The following IL16 variants were observed in gnomAD, a reference collection of about 807,000 sequenced individuals.
IL16 encodes interleukin 16, also known as pro-interleukin-16.
A neutral mutation model predicts 110.1 loss-of-function variants in IL16; 67 were observed. The ratio of observed to expected loss-of-function variants is 0.61; its 90% CI spans 0.50 to 0.75. The LOEUF (loss-of-function observed/expected upper bound fraction) is 0.75, where lower values mean the gene tolerates loss of function less well. Among genes scored for constraint, IL16 ranks in the 30% least tolerant of loss-of-function variants. IL16 has a pLI of 0.00. For missense variants in IL16, 1,545 were observed against 1,655.0 expected, an observed-to-expected ratio of 0.93 and a Z score of 1.15; for synonymous variants, 689 against 662.9, an observed-to-expected ratio of 1.04 and a Z score of -0.61.
rs57484982 is a variant in IL16 at position 81,247,076 on chromosome 15, C to CTTTTT, written c.313-12680_313-12676dup. Among the ~76,000 whole-genome samples the CTTTTT allele has an allele frequency of 6.2e-3, 577 of 92,534 alleles. 2 individuals are homozygous for CTTTTT. The highest frequency in any genetic ancestry group is 8.9e-3 in the African/African-American group (185 of 20,758). The allele number at this position is 92,534 out of a possible 152,430, so 60.7% of individuals were successfully genotyped here. A position where few individuals can be genotyped will look rare whatever the true frequency, so the allele number is the denominator to read the frequency against. On this transcript the variant is annotated intron_variant, in intron 2 of 18. Coordinates refer to ENST00000683961, the MANE Select transcript of IL16 (RefSeq NM_172217.5). Reference sequence around the variant, plus strand: ...TTTGTGTTTTCTTTCTTTTCTTTTCCTTTTTTTTTTTTTTTTTTTTGATCT... The same window carrying CTTTTT: ...TTTGTGTTTTCTTTCTTTTCTTTTCCTTTTTTTTTTTTTTTTTTTTTTTTTGATCT...
chr15:81,275,260 G>A (rs1164482646), intron 6 of IL16, among the ~76,000 whole-genome samples: 4 of 150,466 alleles, frequency 2.7e-5, no homozygotes, highest in Non-Finnish European at 4.4e-5. Flanking sequence ...AATGACATCC[G>A]TTCTCTCTCC....
chr15:81,232,422 G>T (rs1897039978), intron 2 of IL16, among the ~76,000 whole-genome samples: 1 of 152,034 alleles, frequency 6.6e-6, no homozygotes, highest in Non-Finnish European at 1.5e-5. Context: ...CTAATCTCAA[G>T]GGGAAAGTTT....
chr15:81,192,921 G>T (rs923191186), upstream of IL16, among the ~76,000 whole-genome samples: 2 of 152,116 alleles, frequency 1.3e-5, no homozygotes, highest in Non-Finnish European at 2.9e-5. Context: ...GAGATGGAGG[G>T]ATCAAGATGA....
At chr15:81,296,026 G>T (rs149133134) in intron 12 of IL16, among the ~76,000 whole-genome samples, 1 of 152,194 alleles carries the variant, frequency 6.6e-6, no homozygotes, top group Non-Finnish European at 1.5e-5. Context: ...TCATTTTGAT[G>T]ATGTCTGCTT....
intron 2 of IL16, among the ~76,000 whole-genome samples, chr15:81,256,448 C>T (rs147060924): frequency 0.011 from 1,615 of 151,904 alleles, 28 homozygotes; most frequent in African/African-American, 0.038. Flanking sequence ...ATTCTCCTGC[C>T]TCAGCCTCCC....
At chr15:81,207,029 C>T (rs1896045423) in intron 1 of IL16, among the ~76,000 whole-genome samples, 1 of 151,770 alleles carries the variant, frequency 6.6e-6, no homozygotes, top group African/African-American at 2.4e-5. Flanking sequence ...GTCAGGAGAT[C>T]AAGACCATCC....
chr15:81,282,777 C>T (rs762789497), intron 9 of IL16, 21 bp downstream of exon 9: 2 of 1,492,684 alleles, frequency 1.3e-6, no homozygotes, highest in Middle Eastern at 1.7e-4. Flanking sequence ...ACTTCTGTTT[C>T]TGAATATACC....
At chr15:81,250,502 T>C (rs1897731528) in intron 2 of IL16, among the ~76,000 whole-genome samples, 1 of 152,186 alleles carries the variant, frequency 6.6e-6, no homozygotes. Context: ...ATGTGTGTTT[T>C]ATCTTATGTT....
chr15:81,221,099 T>G (rs1276069373), intron 1 of IL16, among the ~76,000 whole-genome samples: 1 of 152,098 alleles, frequency 6.6e-6, no homozygotes, highest in Non-Finnish European at 1.5e-5. Flanking sequence ...AGATCTAGTA[T>G]TCTGTGGAAG....
rs1240696827 is a variant in IL16, at chr15:81,299,315, G to C, written c.2054-65G>C. ...TTCTTGCTGTTCAGCTTGGAAACTA[G>C]AATTTAGGAAGAAAAGTCACTGTAT... is the stretch of plus-strand genomic sequence containing the variant. On this transcript the variant is annotated intron_variant, in intron 13 of 18. Coordinates refer to ENST00000683961, the MANE Select transcript of IL16 (RefSeq NM_172217.5). 3 of 1,600,876 alleles carry C rather than the reference G, an allele frequency of 1.9e-6. No individual in the cohort carries two copies. The Admixed American group carries it at 5.0e-5, about 27-fold the overall frequency.
chr15:81,237,179 C>T (rs529038784), intron 2 of IL16, among the ~76,000 whole-genome samples: 1 of 152,296 alleles, frequency 6.6e-6, no homozygotes, highest in South Asian at 2.1e-4. Context: ...TAGTTATCCT[C>T]TAAGGCTCAG....
chr15:81,287,386 G>A (rs770687182), intron 10 of IL16, among the ~76,000 whole-genome samples: 1 of 152,222 alleles, frequency 6.6e-6, no homozygotes, highest in African/African-American at 2.4e-5. Flanking sequence ...ACTTAGGGCT[G>A]ATAGCAACTA....
upstream of IL16, among the ~76,000 whole-genome samples, chr15:81,195,683 C>A (rs189197542): frequency 6.6e-5 from 10 of 152,258 alleles, no homozygotes; most frequent in East Asian, 1.9e-3. Context: ...CATTAAAGCC[C>A]CCAGGAAGCC....
chr15:81,310,941 C>G lies in IL16; in HGVS notation c.*2143C>G, dbSNP rs1386249800. On this transcript the variant is annotated 3_prime_UTR_variant, in exon 19 of 19. Coordinates refer to ENST00000683961, the MANE Select transcript of IL16 (RefSeq NM_172217.5). ...CCTCCCAGTACCTCCTGTCTCTGGC[C>G]TGTTTTAGAAGGTTCTCTCCTCCCC... 1 of 152,298 alleles carries G rather than the reference C, an allele frequency of 6.6e-6. No individual in the cohort carries two copies. The highest frequency in any genetic ancestry group is 1.5e-5 in the Non-Finnish European group (1 of 68,118). 9.4% of individuals were successfully genotyped at this position (152,298 alleles called of 1,614,324 possible).
intron 3 of IL16, among the ~76,000 whole-genome samples, chr15:81,261,771 A>G (rs1323489562): frequency 2.0e-5 from 3 of 151,662 alleles, no homozygotes; most frequent in East Asian, 3.9e-4. Context: ...AAATAGATGG[A>G]AAAAAAAAGT....
intron 2 of IL16, among the ~76,000 whole-genome samples, chr15:81,242,218 T>C (rs1897361711): frequency 6.6e-6 from 1 of 152,188 alleles, no homozygotes; most frequent in Admixed American, 6.5e-5. Context: ...TTAGCTAATG[T>C]AATCCCTTTG....
intron 2 of IL16, among the ~76,000 whole-genome samples, chr15:81,230,545 G>A (rs1352432318): frequency 2.0e-5 from 3 of 152,180 alleles, no homozygotes; most frequent in Admixed American, 2.0e-4. Flanking sequence ...GGGGGCAGGT[G>A]TAAGCATAGT....
rs1567054167 is a variant in IL16, at chr15:81,313,183, G to C, written c.*4385G>C. 4.8e-6 allele frequency: 7 copies of C among 1,446,274 alleles called. No homozygotes were observed. The highest frequency in any genetic ancestry group is 2.7e-5 in the East Asian group (1 of 37,600). The allele number at this position is 1,446,274 out of a possible 1,614,324, so 89.6% of individuals were successfully genotyped here. A position where few individuals can be genotyped will look rare whatever the true frequency, so the allele number is the denominator to read the frequency against. On this transcript the variant is annotated 3_prime_UTR_variant, in exon 19 of 19. Coordinates refer to ENST00000683961, the MANE Select transcript of IL16 (RefSeq NM_172217.5). Reference sequence around the variant, plus strand: ...AACACAGGCCTCTGCGTGCTCCCAGGCTCCTTGGTGTCCCAACAGCTGGAG... The same window carrying C: ...AACACAGGCCTCTGCGTGCTCCCAGCCTCCTTGGTGTCCCAACAGCTGGAG...
chr15:81,208,156 G>C (rs552502058), intron 1 of IL16, among the ~76,000 whole-genome samples: 1 of 151,976 alleles, frequency 6.6e-6, no homozygotes, highest in South Asian at 2.1e-4. Flanking sequence ...TATATTTCTT[G>C]GCTGCTAGTA....
Sources: allele counts gnomAD v4.1 joint callset (sites outside exome capture counted in the v4.1 genomes callset), GRCh38; gene constraint gnomAD v4.1.1; transcripts MANE v1.5; gene names NCBI Gene and HGNC (gene_info 2026-07-23, HGNC 2026-07-21).